The following TSPYL1 variants were observed in gnomAD, a reference collection of about 807,000 sequenced individuals.
TSPYL1 encodes TSPY like 1, also known as testis-specific Y-encoded-like protein 1.
Under a neutral mutation model 20.1 loss-of-function variants are expected in TSPYL1, and 16 were observed. The observed-to-expected ratio is 0.80, with a 90% confidence interval of 0.54 to 1.21. The LOEUF (loss-of-function observed/expected upper bound fraction) is 1.21. TSPYL1 is among the 50% of genes most tolerant of loss of function. The probability of loss-of-function intolerance (pLI) is 0.00; values close to 1 mark genes in which losing one functional copy is unlikely to be tolerated. For synonymous variants in TSPYL1, 259 were observed against 227.1 expected (o/e 1.14, Z -1.26); for missense variants, 560 against 569.3 (o/e 0.98, Z 0.17).
rs1733831765 is a variant in TSPYL1 at position 116,274,929 on chromosome 6, T to C, written c.*3588A>G. Among the ~76,000 whole-genome samples, 1 of 152,240 alleles carries C rather than the reference T, an allele frequency of 6.6e-6. No individual in the cohort carries two copies. Among genetic ancestry groups the C allele is most frequent in the Non-Finnish European group, 1.5e-5 (1 of 68,034 alleles). The stretch of plus-strand genomic sequence containing the variant: ...AGATATTCCTCAGGAAGTCGAGACA[T>C]GCTGTCCTATGTAATTTTAGATTTA... On this transcript the variant is annotated 3_prime_UTR_variant, in exon 1 of 1. Transcript: ENST00000368608.
Position 116,278,680 on chromosome 6 carries a change from T to C in TSPYL1, c.1151A>G (p.His384Arg). 6.2e-7 allele frequency: 1 copy of C among 1,614,150 alleles called. No homozygotes were observed. Among genetic ancestry groups the C allele is most frequent in the Non-Finnish European group, 8.5e-7 (1 of 1,180,022 alleles). ...AATTTTGTCGGACTCTGGAAGGCTG[T>C]GGTCTGAAAACCAAGTGAAGAAGCT... ...ICSFFTWFSDHSLPESDKIAE... is the reference protein window; with the variant it reads ...ICSFFTWFSDRSLPESDKIAE... Residue 384 changes from histidine (H) to arginine (R), a missense_variant, in exon 1 of 1, where the codon CAC becomes CGC. Physicochemically the swap from His to Arg is conservative, Grantham distance 29. Transcript: ENST00000368608.
chr6:116,279,257 C>T lies in TSPYL1; in HGVS notation c.574G>A (p.Val192Ile). ...EKEVMEEQME[V>I]EEQPPEGEEI... ...TCACCTTCTGGCGGCTGCTCCTCTA[C>T]CTCCATCTGCTCCTCCATTACCTCC... The change falls in exon 1 of 1, where the codon GTA becomes ATA. Residue 192 changes from valine to isoleucine, a missense_variant. Coordinates refer to ENST00000368608, the MANE Select transcript of TSPYL1 (RefSeq NM_003309.4). The T allele has an allele frequency of 6.2e-7, 1 of 1,607,602 alleles. No individual in the cohort carries two copies. Among genetic ancestry groups the T allele is most frequent in the Non-Finnish European group, 8.5e-7 (1 of 1,179,538 alleles).
rs929381557 is a variant in TSPYL1, at chr6:116,275,385, A to G, written c.*3132T>C. Among the ~76,000 whole-genome samples the G allele has an allele frequency of 4.6e-5, 7 of 152,268 alleles. No homozygotes were observed. The highest frequency in any genetic ancestry group is 1.7e-4 in the African/African-American group (7 of 41,476). On this transcript the variant is annotated 3_prime_UTR_variant, in exon 1 of 1. Transcript: ENST00000368608. The stretch of plus-strand genomic sequence containing the variant: ...AATAGTTATTTAGGAATGGCATTGC[A>G]AATCTTTTTGACATTTTCCCATTTG...
chr6:116,278,693 A>T lies in TSPYL1; in HGVS notation c.1138T>A (p.Trp380Arg). The T allele has an allele frequency of 6.2e-7, 1 of 1,614,164 alleles. No individual in the cohort carries two copies. Among genetic ancestry groups the T allele is most frequent in the Non-Finnish European group, 8.5e-7 (1 of 1,180,022 alleles). ...NQDLICSFFT[W>R]FSDHSLPESD... Reference sequence around the variant, plus strand: ...TCTGGAAGGCTGTGGTCTGAAAACCAAGTGAAGAAGCTGCAGATGAGGTCT... The same window carrying T: ...TCTGGAAGGCTGTGGTCTGAAAACCTAGTGAAGAAGCTGCAGATGAGGTCT... Residue 380 changes from tryptophan to arginine, a missense_variant, in exon 1 of 1, where the codon TGG (tryptophan) becomes AGG (arginine). Transcript: ENST00000368608.
In TSPYL1 at chr6:116,275,692, C is replaced by T. The variant is rs551013501; in HGVS notation, c.*2825G>A. On this transcript the variant is annotated 3_prime_UTR_variant, in exon 1 of 1. Coordinates refer to ENST00000368608, the MANE Select transcript of TSPYL1 (RefSeq NM_003309.4). ...GCACGTGCCTGTAGTCCCAGCTACT[C>T]GGGAGGCTGATGCTGGAGAACTGCT... Among the ~76,000 whole-genome samples, 61 of 150,984 alleles carry T rather than the reference C, an allele frequency of 4.0e-4. No homozygotes were observed. The highest frequency in any genetic ancestry group is 2.2e-4 in the Non-Finnish European group (15 of 67,880).
rs2114625943 is a variant in TSPYL1, at chr6:116,276,459, T to C, written c.*2058A>G. 1 of 152,326 alleles carries C rather than the reference T, an allele frequency of 6.6e-6. No homozygotes were observed. Among genetic ancestry groups the C allele is most frequent in the South Asian group, 2.1e-4 (1 of 4,830 alleles). 9.4% of individuals were successfully genotyped at this position (152,326 alleles called of 1,614,324 possible). A position where few individuals can be genotyped will look rare whatever the true frequency, so the allele number is the denominator to read the frequency against. ...GCTAACGTTTTAAGGCAAACTACCT[T>C]GGAAGGTACCAAACATACCGTGCCC... is the stretch of plus-strand genomic sequence containing the variant. On this transcript the variant is annotated 3_prime_UTR_variant, in exon 1 of 1. Transcript: ENST00000368608.
In TSPYL1 at chr6:116,274,904, A is replaced by G. The variant is rs1773054302; in HGVS notation, c.*3613T>C. Among the ~76,000 whole-genome samples the G allele has an allele frequency of 6.6e-6, 1 of 152,238 alleles. No individual in the cohort carries two copies. Among genetic ancestry groups the G allele is most frequent in the African/African-American group, 2.4e-5 (1 of 41,466 alleles). On this transcript the variant is annotated 3_prime_UTR_variant, in exon 1 of 1. Transcript: ENST00000368608. ...TTTTACAGATATTTTATATGCTTTC[A>G]GATATTCCTCAGGAAGTCGAGACAT... is the stretch of plus-strand genomic sequence containing the variant.
rs761974478 is a variant in TSPYL1 at position 116,278,831 on chromosome 6, T to C, written c.1000A>G (p.Lys334Glu). The C allele has an allele frequency of 6.2e-7, 1 of 1,614,178 alleles. No homozygotes were observed. The highest frequency in any genetic ancestry group is 1.7e-5 in the Admixed American group (1 of 60,020). The part of the protein sequence containing the change: ...FFRRNPYFRN[K>E]LIVKEYEVRS... ...ACCTCATATTCCTTGACAATCAGCT[T>C]GTTTCTGAAGTAGGGGTTTCTTCTA... is the stretch of plus-strand genomic sequence containing the variant. Residue 334 changes from lysine (K) to glutamate (E), a missense_variant, in exon 1 of 1, where the codon AAG becomes GAG. Transcript: ENST00000368608.
chr6:116,276,701 T>C lies in TSPYL1; in HGVS notation c.*1816A>G, dbSNP rs1389691663. 1 of 152,216 alleles carries C rather than the reference T, an allele frequency of 6.6e-6. No homozygotes were observed. Among genetic ancestry groups the C allele is most frequent in the Non-Finnish European group, 1.5e-5 (1 of 68,036 alleles). 9.4% of individuals were successfully genotyped at this position (152,216 alleles called of 1,614,324 possible). ...CAACTTCATTCAAGCATTACATTTA[T>C]GGGTAAGGTGAAAAATAAGAAATCT... On this transcript the variant is annotated 3_prime_UTR_variant, in exon 1 of 1. Coordinates refer to ENST00000368608, the MANE Select transcript of TSPYL1 (RefSeq NM_003309.4).
In TSPYL1 at chr6:116,278,410, A is replaced by G; in HGVS notation, c.*107T>C. The stretch of plus-strand genomic sequence containing the variant: ...AAAGGAAACAGGGTGCAGAAAAGTC[A>G]GCAAAAACAAAGCACAATAGAAGGC... On this transcript the variant is annotated 3_prime_UTR_variant, in exon 1 of 1. Transcript: ENST00000368608. 14 of 1,487,390 alleles carry G rather than the reference A, an allele frequency of 9.4e-6. No individual in the cohort carries two copies. The highest frequency in any genetic ancestry group is 1.2e-5 in the Non-Finnish European group (13 of 1,073,870). The allele number at this position is 1,487,390 out of a possible 1,614,324, so 92.1% of individuals were successfully genotyped here. A position where few individuals can be genotyped will look rare whatever the true frequency, so the allele number is the denominator to read the frequency against.
At position 116,279,107 on chromosome 6, in the gene TSPYL1, C is replaced by T. The variant is rs755834389; in HGVS notation, c.724G>A (p.Val242Met). The T allele has an allele frequency of 1.2e-6, 2 of 1,614,004 alleles. No individual in the cohort carries two copies. Among genetic ancestry groups the T allele is most frequent in the South Asian group, 1.1e-5 (1 of 91,088 alleles). The change falls in exon 1 of 1, where the codon GTG becomes ATG. Residue 242 changes from valine to methionine, a missense_variant. Transcript: ENST00000368608. ...AAGGCCCTGTCGGCCTGAGCATTCA[C>T]AGTGTCCAGTTCCAGCTGGATGGCC... ...LEAIQLELDT[V>M]NAQADRAFQQ...
chr6:116,276,018 C>T lies in TSPYL1; in HGVS notation c.*2499G>A, dbSNP rs911996949. Among the ~76,000 whole-genome samples the T allele has an allele frequency of 6.6e-6, 1 of 152,186 alleles. No individual in the cohort carries two copies. Among genetic ancestry groups the T allele is most frequent in the African/African-American group, 2.4e-5 (1 of 41,458 alleles). On this transcript the variant is annotated 3_prime_UTR_variant, in exon 1 of 1. Coordinates refer to ENST00000368608, the MANE Select transcript of TSPYL1 (RefSeq NM_003309.4). Reference sequence around the variant, plus strand: ...CAAAGAAGGGAATGGACTTTATCTTCTTACTCTTTTTCTCTATTTGTGGAA... The same window carrying T: ...CAAAGAAGGGAATGGACTTTATCTTTTTACTCTTTTTCTCTATTTGTGGAA...
Position 116,275,926 on chromosome 6 carries a change from CTG to C in TSPYL1, c.*2589_*2590del, listed in dbSNP as rs1478794527. On this transcript the variant is annotated 3_prime_UTR_variant, in exon 1 of 1. Coordinates refer to ENST00000368608, the MANE Select transcript of TSPYL1 (RefSeq NM_003309.4). ...TGGGAAAAACATGAAAATATAATCT[CTG>C]TATTTTATTTTACTGTATCACTCTG... Among the ~76,000 whole-genome samples the C allele has an allele frequency of 1.3e-5, 2 of 152,124 alleles. No individual in the cohort carries two copies. Among genetic ancestry groups the C allele is most frequent in the Non-Finnish European group, 2.9e-5 (2 of 68,024 alleles).
rs752948355 is a variant in TSPYL1, at chr6:116,278,727, G to A, written c.1104C>T (p.Arg368=). 6.2e-7 allele frequency: 1 copy of A among 1,614,150 alleles called. No individual in the cohort carries two copies. The highest frequency in any genetic ancestry group is 8.5e-7 in the Non-Finnish European group (1 of 1,180,004). The part of the protein sequence containing the change: ...RRGHEPQSFI[R]RNQDLICSFF... ...AGCTGCAGATGAGGTCTTGGTTTCT[G>A]CGAATGAAGGACTGGGGTTCATGCC... is the stretch of plus-strand genomic sequence containing the variant. The change falls in exon 1 of 1, where the codon CGC becomes CGT. Residue 368 remains arginine, a synonymous_variant. Transcript: ENST00000368608.
rs886798060 is a variant in TSPYL1, at chr6:116,277,273, T to C, written c.*1244A>G. 1.3e-5 allele frequency: 2 copies of C among 152,692 alleles called. No individual in the cohort carries two copies. Among genetic ancestry groups the C allele is most frequent in the Non-Finnish European group, 2.9e-5 (2 of 68,050 alleles). 9.5% of individuals were successfully genotyped at this position (152,692 alleles called of 1,614,324 possible). A position where few individuals can be genotyped will look rare whatever the true frequency, so the allele number is the denominator to read the frequency against. On this transcript the variant is annotated 3_prime_UTR_variant, in exon 1 of 1. Transcript: ENST00000368608. ...AGAACCCTTGTCTAGGCAACATATT[T>C]AACACTTTAACCCCTTCAATTCTCC...
Position 116,279,773 on chromosome 6 carries a change from T to C in TSPYL1, c.58A>G (p.Ile20Val), listed in dbSNP as rs1773390506. ...TTPLQTHSIIISDQVPSDQDA... is the reference protein window; with the variant it reads ...TTPLQTHSIIVSDQVPSDQDA... Reference sequence around the variant, plus strand: ...TGGTCGCTCGGGACTTGGTCAGAAATAATGATGCTGTGGGTTTGGAGGGGA... The same window carrying C: ...TGGTCGCTCGGGACTTGGTCAGAAACAATGATGCTGTGGGTTTGGAGGGGA... Residue 20 changes from isoleucine (I) to valine (V), a missense_variant, in exon 1 of 1, where the codon ATT (isoleucine) becomes GTT (valine). Coordinates refer to ENST00000368608, the MANE Select transcript of TSPYL1 (RefSeq NM_003309.4). The C allele has an allele frequency of 6.2e-7, 1 of 1,612,692 alleles. No individual in the cohort carries two copies. Among genetic ancestry groups the C allele is most frequent in the South Asian group, 1.1e-5 (1 of 91,086 alleles).
Position 116,279,112 on chromosome 6 carries a change from T to C in TSPYL1, c.719A>G (p.Asp240Gly). ...DPLEAIQLELDTVNAQADRAF... is the reference protein window; with the variant it reads ...DPLEAIQLELGTVNAQADRAF... ...CCTGTCGGCCTGAGCATTCACAGTG[T>C]CCAGTTCCAGCTGGATGGCCTCCAG... The change falls in exon 1 of 1, where the codon GAC becomes GGC. Residue 240 changes from aspartate to glycine, a missense_variant. Coordinates refer to ENST00000368608, the MANE Select transcript of TSPYL1 (RefSeq NM_003309.4). 1 of 1,614,166 alleles carries C rather than the reference T, an allele frequency of 6.2e-7. No homozygotes were observed. The highest frequency in any genetic ancestry group is 8.5e-7 in the Non-Finnish European group (1 of 1,180,024).
rs1435562802 is a variant in TSPYL1 at position 116,279,792 on chromosome 6, G to T, written c.39C>A (p.Leu13=). 6.2e-7 allele frequency: 1 copy of T among 1,612,830 alleles called. No homozygotes were observed. The highest frequency in any genetic ancestry group is 8.5e-7 in the Non-Finnish European group (1 of 1,180,048). ...CAGAAATAATGATGCTGTGGGTTTGGAGGGGAGTGGTCCTCTTGACCCCAT... is the reference window on the plus strand; with the variant it reads ...CAGAAATAATGATGCTGTGGGTTTGTAGGGGAGTGGTCCTCTTGACCCCAT... ...GLDGVKRTTP[L]QTHSIIISDQ... The change falls in exon 1 of 1, where the codon CTC becomes CTA. Residue 13 remains leucine, a synonymous_variant. Coordinates refer to ENST00000368608, the MANE Select transcript of TSPYL1 (RefSeq NM_003309.4).
At position 116,279,054 on chromosome 6, in the gene TSPYL1, C is replaced by T. The variant is rs771901689; in HGVS notation, c.777G>A (p.Arg259=). The part of the protein sequence containing the change: ...AFQQLEHKFG[R]MRRHYLERRN... Reference sequence around the variant, plus strand: ...TCCGCTCCAGGTAGTGTCGACGCATCCGCCCAAACTTGTGCTCCAGCTGTT... The same window carrying T: ...TCCGCTCCAGGTAGTGTCGACGCATTCGCCCAAACTTGTGCTCCAGCTGTT... The change falls in exon 1 of 1, where the codon CGG becomes CGA. Residue 259 remains arginine, a synonymous_variant. Transcript: ENST00000368608. 3 of 1,613,332 alleles carry T rather than the reference C, an allele frequency of 1.9e-6. No individual in the cohort carries two copies. The South Asian group carries it at 3.3e-5, about 18-fold the overall frequency.
Sources: allele counts gnomAD v4.1 joint callset (sites outside exome capture counted in the v4.1 genomes callset), GRCh38; gene constraint gnomAD v4.1.1; transcripts MANE v1.5; gene names NCBI Gene and HGNC (gene_info 2026-07-23, HGNC 2026-07-21).